SIPA1L1: variants seen among roughly 807,000 people sequenced by gnomAD.
SIPA1L1 encodes signal-induced proliferation-associated 1-like protein 1.
SIPA1L1 carries 26 observed loss-of-function variants against 162.7 expected under a neutral mutation model. The observed-to-expected ratio is 0.16, with a 90% confidence interval of 0.12 to 0.22. The LOEUF is 0.22. Among genes scored for constraint, SIPA1L1 ranks in the 10% least tolerant of loss-of-function variants. The probability of loss-of-function intolerance (pLI) is 1.00; values close to 1 mark genes in which losing one functional copy is unlikely to be tolerated. For synonymous variants in SIPA1L1, 829 were observed against 837.4 expected (o/e 0.99, Z 0.17); for missense variants, 1,874 against 2,241.0 (o/e 0.84, Z 3.31).
In SIPA1L1 at chr14:71,671,539, A is replaced by G; in HGVS notation, c.2676A>G (p.Thr892=). The part of the protein sequence containing the change: ...NEFIVLIEQE[T]KSVVFNCSCR... Reference sequence around the variant, plus strand: ...TCATTGTGCTCATTGAACAGGAAACAAAGAGCGTGGTCTTCAATTGTTCCT... The same window carrying G: ...TCATTGTGCTCATTGAACAGGAAACGAAGAGCGTGGTCTTCAATTGTTCCT... The change falls in exon 11 of 24, where the codon ACA becomes ACG. Residue 892 remains threonine, a synonymous_variant. Coordinates refer to ENST00000381232, the MANE Select transcript of SIPA1L1 (RefSeq NM_001386936.1). 1.2e-6 allele frequency: 2 copies of G among 1,614,242 alleles called. No individual in the cohort carries two copies. The highest frequency in any genetic ancestry group is 2.2e-5 in the East Asian group (1 of 44,892).
intron 2 of SIPA1L1, among the ~76,000 whole-genome samples, chr14:71,358,044 T>G (rs2037442739): frequency 6.6e-6 from 1 of 152,160 alleles, no homozygotes; most frequent in African/African-American, 2.4e-5. Context: ...TGTATTTTTG[T>G]AGAGACGGGT....
intron 4 of SIPA1L1, among the ~76,000 whole-genome samples, chr14:71,575,983 A>T (rs2032964181): frequency 1.3e-5 from 2 of 152,242 alleles, no homozygotes; most frequent in Non-Finnish European, 2.9e-5. Flanking sequence ...ATTACGTTTT[A>T]GATTACAATA....
At chr14:71,725,511 A>G (rs544258781) in intron 19 of SIPA1L1, among the ~76,000 whole-genome samples, 1 of 152,286 alleles carries the variant, frequency 6.6e-6, no homozygotes, top group Admixed American at 6.5e-5. Context: ...CTCTGCACCA[A>G]GTCCTGAATA....
rs533481428 is a variant in SIPA1L1, at chr14:71,459,018, G to T, written c.-464-53725G>T. Among the ~76,000 whole-genome samples, 5 of 151,740 alleles carry T rather than the reference G, an allele frequency of 3.3e-5. No homozygotes were observed. In the South Asian group the frequency reaches 1.0e-3, roughly 32 times the overall value. ...ACCTGGGAGGCAGAGTTTGCAGTGA[G>T]CCAAGATCATGTCACTGCATTCCAG... On this transcript the variant is annotated intron_variant, in intron 2 of 23. Coordinates refer to ENST00000381232, the MANE Select transcript of SIPA1L1 (RefSeq NM_001386936.1).
At chr14:71,556,909 C>G (rs1455506291) in intron 4 of SIPA1L1, among the ~76,000 whole-genome samples, 3 of 152,198 alleles carry the variant, frequency 2.0e-5, no homozygotes, top group Admixed American at 2.0e-4. Flanking sequence ...GGATATGGAG[C>G]AGGACTCTCT....
chr14:71,346,010 C>G (rs933591999), intron 2 of SIPA1L1, among the ~76,000 whole-genome samples: 1 of 151,874 alleles, frequency 6.6e-6, no homozygotes, highest in East Asian at 1.9e-4. Context: ...CGGATTCAAG[C>G]AATTCTCCTG....
At chr14:71,430,690 AAT>A (rs1277037612) in intron 2 of SIPA1L1, among the ~76,000 whole-genome samples, 1 of 152,174 alleles carries the variant, frequency 6.6e-6, no homozygotes, top group Admixed American at 6.5e-5. Context: ...GTGCTTAACT[AAT>A]ATCTTTCTCA....
chr14:71,565,009 C>A (rs1032169587), intron 4 of SIPA1L1, among the ~76,000 whole-genome samples: 4 of 152,172 alleles, frequency 2.6e-5, no homozygotes, highest in Non-Finnish European at 5.9e-5. Context: ...TTCACACGAT[C>A]AGATTGACAA....
chr14:71,674,293 G>A (rs939847924), intron 12 of SIPA1L1, among the ~76,000 whole-genome samples: 4 of 152,128 alleles, frequency 2.6e-5, no homozygotes, highest in Non-Finnish European at 4.4e-5. Context: ...CTGTGGGTGG[G>A]ATGAGACAAC....
At chr14:71,335,567 C>G (rs1373298156) in intron 2 of SIPA1L1, among the ~76,000 whole-genome samples, 1 of 152,112 alleles carries the variant, frequency 6.6e-6, no homozygotes, top group African/African-American at 2.4e-5. Flanking sequence ...AGTAAGCATT[C>G]TAAGTGTTCA....
chr14:71,607,831 T>G (rs2037709803), intron 5 of SIPA1L1, among the ~76,000 whole-genome samples: 1 of 152,184 alleles, frequency 6.6e-6, no homozygotes, highest in Admixed American at 6.5e-5. Flanking sequence ...GTAACTACCT[T>G]GCTTGCTGAT....
At chr14:71,396,782 A>G (rs781049640) in intron 2 of SIPA1L1, among the ~76,000 whole-genome samples, 3 of 152,230 alleles carry the variant, frequency 2.0e-5, no homozygotes, top group Non-Finnish European at 4.4e-5. Flanking sequence ...AAGGTTTACT[A>G]TATTTAAAAA....
intron 2 of SIPA1L1, among the ~76,000 whole-genome samples, chr14:71,371,540 A>T (rs931186380): frequency 3.3e-5 from 5 of 151,572 alleles, no homozygotes; most frequent in African/African-American, 1.2e-4. Flanking sequence ...GGCATGTATC[A>T]CCATGCCTGG....
intron 2 of SIPA1L1, among the ~76,000 whole-genome samples, chr14:71,504,465 T>G (rs1190388539): frequency 6.6e-6 from 1 of 152,182 alleles, no homozygotes; most frequent in Non-Finnish European, 1.5e-5. Flanking sequence ...CTCTACCTCC[T>G]TTTCTGTTGT....
At chr14:71,410,356 G>A (rs2042315910) in intron 2 of SIPA1L1, among the ~76,000 whole-genome samples, 1 of 152,164 alleles carries the variant, frequency 6.6e-6, no homozygotes, top group South Asian at 2.1e-4. Context: ...GGAAGTATAA[G>A]CAGGGTGAGG....
intron 2 of SIPA1L1, among the ~76,000 whole-genome samples, chr14:71,347,857 G>T (rs1324905764): frequency 2.0e-5 from 3 of 151,716 alleles, no homozygotes; most frequent in Non-Finnish European, 4.4e-5. Context: ...TTTTTTTGTT[G>T]AGTTGTAAAT....
intron 6 of SIPA1L1, among the ~76,000 whole-genome samples, chr14:71,619,765 T>C (rs530480825): frequency 1.6e-4 from 24 of 152,306 alleles, no homozygotes; most frequent in African/African-American, 5.5e-4. Context: ...ATTTCCCCCA[T>C]TGAATGCAAA....
chr14:71,497,915 A>G (rs2049915009), intron 2 of SIPA1L1: 1 of 152,232 alleles, frequency 6.6e-6, no homozygotes, highest in Non-Finnish European at 1.5e-5. Flanking sequence ...GAAACTGCCA[A>G]ACCACTTTCA....
Position 71,630,908 on chromosome 14 carries a change from A to C in SIPA1L1, c.1818+6672A>C, listed in dbSNP as rs1384939401. 2.0e-5 allele frequency among the ~76,000 whole-genome samples: 3 copies of C among 151,886 alleles called. No homozygotes were observed. In the East Asian group the frequency reaches 5.8e-4, roughly 29 times the overall value. Reference sequence around the variant, plus strand: ...ATATATATACTTTAAGTTCTAGGGTACATGTGCACAACATGAAGGTTTGTT... The same window carrying C: ...ATATATATACTTTAAGTTCTAGGGTCCATGTGCACAACATGAAGGTTTGTT... On this transcript the variant is annotated intron_variant, in intron 7 of 23. Coordinates refer to ENST00000381232, the MANE Select transcript of SIPA1L1 (RefSeq NM_001386936.1).
Sources: gnomAD v4.1 joint callset for allele counts (sites outside exome capture counted in the v4.1 genomes callset) on GRCh38, gnomAD v4.1.1 for gene constraint, MANE v1.5 for transcripts, NCBI Gene and HGNC (gene_info 2026-07-23, HGNC 2026-07-21) for gene names.